The following TAFA2 variants were observed in gnomAD, a reference collection of about 807,000 sequenced individuals.
TAFA2 encodes the protein TAFA chemokine like family member 2, also known as chemokine-like protein TAFA-2.
TAFA2 carries 7 observed loss-of-function variants against 18.8 expected under a neutral mutation model. The observed-to-expected ratio is 0.37, with a 90% confidence interval of 0.21 to 0.70. The LOEUF (loss-of-function observed/expected upper bound fraction) is 0.70, where lower values mean the gene tolerates loss of function less well. Among genes scored for constraint, TAFA2 ranks in the 30% least tolerant of loss-of-function variants. The pLI, the probability that TAFA2 is intolerant of heterozygous loss-of-function variation, is 0.53. For synonymous variants in TAFA2, 60 were observed against 54.2 expected (o/e 1.11, Z -0.47); for missense variants, 122 against 158.1 (o/e 0.77, Z 1.23).
intron 2 of TAFA2, among the ~76,000 whole-genome samples, chr12:61,784,496 T>TA (rs1217059122): frequency 6.6e-6 from 1 of 151,516 alleles, no homozygotes; most frequent in Non-Finnish European, 1.5e-5. Context: ...CGTTCTCTTT[T>TA]AATGGTACTG....
chr12:61,770,168 A>T (rs576171639), intron 2 of TAFA2, among the ~76,000 whole-genome samples: 1 of 152,228 alleles, frequency 6.6e-6, no homozygotes, highest in African/African-American at 2.4e-5. Flanking sequence ...AAGGCTTTCA[A>T]ATCAACCTAA....
At chr12:62,177,789 A>G (rs776567572) in intron 1 of TAFA2, among the ~76,000 whole-genome samples, 1 of 152,090 alleles carries the variant, frequency 6.6e-6, no homozygotes, top group Non-Finnish European at 1.5e-5. Flanking sequence ...CCACATATTC[A>G]GTCTCCAAGA....
At chr12:62,150,381 A>AG (rs2062319613) in intron 1 of TAFA2, among the ~76,000 whole-genome samples, 1 of 152,236 alleles carries the variant, frequency 6.6e-6, no homozygotes, top group South Asian at 2.1e-4. Flanking sequence ...TTCTAGAAAA[A>AG]GAAGGCATTG....
chr12:62,012,407 G>T (rs1170382898), intron 1 of TAFA2, among the ~76,000 whole-genome samples: 1 of 63,360 alleles, frequency 1.6e-5, no homozygotes, highest in African/African-American at 6.0e-5. Flanking sequence ...TCATATTTCA[G>T]CATTTAAAAA....
chr12:61,866,166 A>T (rs1200550723), intron 2 of TAFA2, among the ~76,000 whole-genome samples: 1 of 152,206 alleles, frequency 6.6e-6, no homozygotes, highest in Non-Finnish European at 1.5e-5. Context: ...ACACGAAAAC[A>T]TACTGTGGGT....
intron 2 of TAFA2, among the ~76,000 whole-genome samples, chr12:61,759,649 T>C (rs1024643632): frequency 6.6e-6 from 1 of 152,076 alleles, no homozygotes; most frequent in African/African-American, 2.4e-5. Flanking sequence ...GGTAATACTT[T>C]CACTGCTTCT....
rs1592497071 is a variant in TAFA2 at position 61,933,492 on chromosome 12, G to T, written c.-1-66066C>A. Among the ~76,000 whole-genome samples the T allele has an allele frequency of 2.6e-5, 4 of 152,196 alleles. No individual in the cohort carries two copies. In the Middle Eastern group the frequency reaches 0.014, roughly 518 times the overall value. On this transcript the variant is annotated intron_variant, in intron 1 of 4. Coordinates refer to ENST00000416284, the MANE Select transcript of TAFA2 (RefSeq NM_178539.5). ...TTTGGGAGGCAAAGGCAAGAAAACT[G>T]CTTGAGACCACAAATTTGAAACCAG...
intron 1 of TAFA2, among the ~76,000 whole-genome samples, chr12:61,986,461 G>A (rs996392748): frequency 6.6e-6 from 1 of 151,626 alleles, no homozygotes; most frequent in Non-Finnish European, 1.5e-5. Context: ...ACCACACCCA[G>A]CTAATTTTTA....
At chr12:62,145,280 C>G (rs981218562) in intron 1 of TAFA2, among the ~76,000 whole-genome samples, 1 of 152,206 alleles carries the variant, frequency 6.6e-6, no homozygotes, top group African/African-American at 2.4e-5. Context: ...GAGAGCAGTA[C>G]CGCCTGAGCT....
Position 61,957,681 on chromosome 12 carries a change from A to G in TAFA2, c.-1-90255T>C, listed in dbSNP as rs138842587. Among the ~76,000 whole-genome samples, 247 of 152,226 alleles carry G rather than the reference A, an allele frequency of 1.6e-3. 2 individuals carry two copies. In the Middle Eastern group the frequency reaches 0.044, roughly 27 times the overall value. On this transcript the variant is annotated intron_variant, in intron 1 of 4. Coordinates refer to ENST00000416284, the MANE Select transcript of TAFA2 (RefSeq NM_178539.5). ...AGAGGAGCCTGATGAAAGTTGGTCA[A>G]GGAGAGAGTTTGCCACTCTATACTC...
At chr12:62,091,349 A>G (rs1592329687) in intron 1 of TAFA2, among the ~76,000 whole-genome samples, 2 of 152,108 alleles carry the variant, frequency 1.3e-5, no homozygotes, top group African/African-American at 4.8e-5. Context: ...TATGTAGTAG[A>G]TATGTATCTA....
chr12:61,910,415 C>G (rs1202996765), intron 1 of TAFA2, among the ~76,000 whole-genome samples: 1 of 152,160 alleles, frequency 6.6e-6, no homozygotes, highest in African/African-American at 2.4e-5. Context: ...GTTCAGCTAG[C>G]TGAGCATAAC....
intron 2 of TAFA2, among the ~76,000 whole-genome samples, chr12:61,783,770 C>T (rs576507430): frequency 6.6e-6 from 1 of 151,658 alleles, no homozygotes; most frequent in South Asian, 2.1e-4. Context: ...AACAACTCTA[C>T]TGCAAACTAT....
chr12:62,040,353 A>G (rs1881725421), intron 1 of TAFA2, among the ~76,000 whole-genome samples: 1 of 152,124 alleles, frequency 6.6e-6, no homozygotes, highest in African/African-American at 2.4e-5. Flanking sequence ...CTAAACCCCA[A>G]TACCTCAGAA....
chr12:61,959,122 C>T (rs1413688483), intron 1 of TAFA2, among the ~76,000 whole-genome samples: 6 of 151,930 alleles, frequency 3.9e-5, no homozygotes, highest in Non-Finnish European at 7.4e-5. Context: ...TAAAAGCCTC[C>T]TTTTAATTCA....
chr12:61,727,195 TTA>T (rs1412523527), intron 4 of TAFA2, among the ~76,000 whole-genome samples: 21 of 152,004 alleles, frequency 1.4e-4, no homozygotes, highest in African/African-American at 4.8e-4. Context: ...TTTTCTTTTT[TTA>T]TGTTATCTGG....
chr12:61,803,902 CA>C (rs1353037359), intron 2 of TAFA2, among the ~76,000 whole-genome samples: 1 of 151,902 alleles, frequency 6.6e-6, no homozygotes, highest in East Asian at 1.9e-4. Flanking sequence ...AAAAAAATGA[CA>C]ATAGCTATAA....
At chr12:61,935,667 A>G (rs1877732885) in intron 1 of TAFA2, among the ~76,000 whole-genome samples, 1 of 152,140 alleles carries the variant, frequency 6.6e-6, no homozygotes, top group African/African-American at 2.4e-5. Context: ...TGAAAGATCA[A>G]CTTTTGAACA....
intron 1 of TAFA2, among the ~76,000 whole-genome samples, chr12:62,180,324 T>C (rs2062543694): frequency 6.6e-6 from 1 of 152,186 alleles, no homozygotes; most frequent in African/African-American, 2.4e-5. Flanking sequence ...TCTGAGTGTT[T>C]TGGGACAATA....
Sources: allele counts gnomAD v4.1 joint callset (sites outside exome capture counted in the v4.1 genomes callset), GRCh38; gene constraint gnomAD v4.1.1; transcripts MANE v1.5; gene names NCBI Gene and HGNC (gene_info 2026-07-23, HGNC 2026-07-21).